The following UBE2E2 variants were observed in gnomAD, a reference collection of about 807,000 sequenced individuals.
UBE2E2 encodes the protein ubiquitin conjugating enzyme E2 E2, also known as ubiquitin-conjugating enzyme E2 E2.
Under a neutral mutation model 24.7 loss-of-function variants are expected in UBE2E2, and 6 were observed. The ratio of observed to expected loss-of-function variants is 0.24; its 90% CI spans 0.13 to 0.48. The LOEUF is 0.48. UBE2E2 is among the 20% of genes least tolerant of loss of function. The pLI, the probability that UBE2E2 is intolerant of heterozygous loss-of-function variation, is 0.99. For missense variants in UBE2E2, 169 were observed against 245.0 expected, an observed-to-expected ratio of 0.69 and a Z score of 2.07; for synonymous variants, 104 against 83.6, an observed-to-expected ratio of 1.24 and a Z score of -1.33.
chr3:23,345,187 C>A (rs1309560108), intron 3 of UBE2E2, among the ~76,000 whole-genome samples: 1 of 152,138 alleles, frequency 6.6e-6, no homozygotes, highest in East Asian at 1.9e-4. Flanking sequence ...TGCAACTGAT[C>A]TTTATAAGCT....
At chr3:23,350,532 A>C (rs1695712790) in intron 3 of UBE2E2, among the ~76,000 whole-genome samples, 1 of 152,216 alleles carries the variant, frequency 6.6e-6, no homozygotes. Context: ...AATACAGAGA[A>C]GTGCTTAAAG....
intron 4 of UBE2E2, among the ~76,000 whole-genome samples, chr3:23,503,278 C>T (rs1694325756): frequency 6.6e-6 from 1 of 151,834 alleles, no homozygotes; most frequent in Non-Finnish European, 1.5e-5. Flanking sequence ...CAACCTCCGC[C>T]CCCTGGATTC....
chr3:23,501,071 T>C (rs1429795175), intron 4 of UBE2E2, among the ~76,000 whole-genome samples: 1 of 152,144 alleles, frequency 6.6e-6, no homozygotes, highest in Non-Finnish European at 1.5e-5. Context: ...CCTTTTCTAC[T>C]TTAGACCAGC....
At chr3:23,315,354 C>G (rs1368918319) in intron 3 of UBE2E2, among the ~76,000 whole-genome samples, 2 of 150,630 alleles carry the variant, frequency 1.3e-5, no homozygotes, top group African/African-American at 2.4e-5. Context: ...TTTCAAATAG[C>G]CTGTCTTCAA....
chr3:23,278,942 GT>G (rs5847228), intron 3 of UBE2E2, among the ~76,000 whole-genome samples: 51,900 of 151,540 alleles, frequency 0.34, 9,122 homozygotes, highest in South Asian at 0.4. Flanking sequence ...TCATTTTCCA[GT>G]TTTTTTTAAT....
At chr3:23,386,912 C>T (rs1392355894) in intron 3 of UBE2E2, among the ~76,000 whole-genome samples, 1 of 152,204 alleles carries the variant, frequency 6.6e-6, no homozygotes. Flanking sequence ...TCAGAAAATA[C>T]AATTCCTGTT....
chr3:23,212,297 A>T (rs1696348988), intron 2 of UBE2E2, among the ~76,000 whole-genome samples: 2 of 152,188 alleles, frequency 1.3e-5, no homozygotes, highest in Non-Finnish European at 2.9e-5. Context: ...AGAGTTTCTT[A>T]AAAAATTGTC....
intron 3 of UBE2E2, among the ~76,000 whole-genome samples, chr3:23,330,421 G>A (rs944475403): frequency 3.9e-5 from 6 of 152,162 alleles, no homozygotes; most frequent in Non-Finnish European, 7.3e-5. Flanking sequence ...TACGTTGCTG[G>A]CAGAATACAT....
Position 23,351,260 on chromosome 3 carries a change from C to T in UBE2E2, c.227+133948C>T, listed in dbSNP as rs368507507. On this transcript the variant is annotated intron_variant, in intron 3 of 5. Coordinates refer to ENST00000396703, the MANE Select transcript of UBE2E2 (RefSeq NM_152653.4). ...AGCACTAAACATGGAAAGGAACAAC[C>T]GGTACCAGCCACTGCAAAATCATGC... 1.3e-3 allele frequency among the ~76,000 whole-genome samples: 200 copies of T among 152,236 alleles called. 1 individual carries two copies. Among genetic ancestry groups the T allele is most frequent in the Middle Eastern group, 3.4e-3 (1 of 294 alleles).
At chr3:23,385,482 C>A (rs1696786176) in intron 3 of UBE2E2, among the ~76,000 whole-genome samples, 1 of 152,160 alleles carries the variant, frequency 6.6e-6, no homozygotes, top group African/African-American at 2.4e-5. Context: ...ATATAGCATC[C>A]CGCATGGTTT....
intron 3 of UBE2E2, among the ~76,000 whole-genome samples, chr3:23,308,750 A>G (rs1177988832): frequency 2.6e-5 from 4 of 152,156 alleles, no homozygotes; most frequent in African/African-American, 7.2e-5. Flanking sequence ...ATGCTATTAC[A>G]TAGGTGAAGC....
Position 23,209,022 on chromosome 3 carries a change from A to G in UBE2E2, c.176+147A>G, listed in dbSNP as rs1254146306. 7 of 932,128 alleles carry G rather than the reference A, an allele frequency of 7.5e-6. No homozygotes were observed. In the South Asian group the frequency reaches 1.3e-4, roughly 18 times the overall value. The allele number at this position is 932,128 out of a possible 1,614,324, so 57.7% of individuals were successfully genotyped here. On this transcript the variant is annotated intron_variant, in intron 2 of 5. Transcript: ENST00000396703. ...TTCCCTTCAAGATGATCTCGTTTAC[A>G]TGGTTTTAACCATAGGGAACTTCAG...
rs531287318 is a variant in UBE2E2, at chr3:23,352,326, A to G, written c.227+135014A>G. Among the ~76,000 whole-genome samples, 84 of 152,298 alleles carry G rather than the reference A, an allele frequency of 5.5e-4. 1 individual carries two copies. In the East Asian group the frequency reaches 0.015, roughly 28 times the overall value. On this transcript the variant is annotated intron_variant, in intron 3 of 5. Transcript: ENST00000396703. ...CCCTAACATCACAATTAAAAGAGCT[A>G]GAAAAACAAGAGCAAACACATTCAA...
chr3:23,408,712 C>T (rs1465110522), intron 3 of UBE2E2, among the ~76,000 whole-genome samples: 2 of 152,152 alleles, frequency 1.3e-5, no homozygotes, highest in East Asian at 1.9e-4. Context: ...CCCTCATAGG[C>T]TATCCATAAG....
At chr3:23,582,112 G>C (rs528785169) in intron 5 of UBE2E2, among the ~76,000 whole-genome samples, 17 of 152,064 alleles carry the variant, frequency 1.1e-4, no homozygotes, top group Non-Finnish European at 2.2e-4. Context: ...GTGTCCATGG[G>C]TACTGAATGT....
intron 3 of UBE2E2, among the ~76,000 whole-genome samples, chr3:23,445,646 A>T (rs1698411294): frequency 6.6e-6 from 1 of 152,206 alleles, no homozygotes; most frequent in Non-Finnish European, 1.5e-5. Flanking sequence ...ATGAAGGAGA[A>T]AGGCGTTAGT....
At chr3:23,424,712 AGG>A (rs1364217910) in intron 3 of UBE2E2, among the ~76,000 whole-genome samples, 1 of 152,182 alleles carries the variant, frequency 6.6e-6, no homozygotes, top group African/African-American at 2.4e-5. Flanking sequence ...GCTGGAGCTA[AGG>A]TACTCTGATA....
chr3:23,208,169 A>G (rs1046954540), intron 1 of UBE2E2, among the ~76,000 whole-genome samples: 2 of 152,046 alleles, frequency 1.3e-5, no homozygotes, highest in Non-Finnish European at 2.9e-5. Context: ...TGAGCTTCCC[A>G]AAACATTGGG....
intron 3 of UBE2E2, among the ~76,000 whole-genome samples, chr3:23,359,330 A>ATAAGAGTTGTACTAGGCCTTCATAAGCAG (rs1696050233): frequency 6.6e-6 from 1 of 152,200 alleles, no homozygotes; most frequent in African/African-American, 2.4e-5. Flanking sequence ...GATCAACAAG[A>ATAAGAGTTGTACTAGGCCTTCATAAGCAG]TAAGAGTTGT....
Sources: allele counts gnomAD v4.1 joint callset (sites outside exome capture counted in the v4.1 genomes callset), GRCh38; gene constraint gnomAD v4.1.1; transcripts MANE v1.5; gene names NCBI Gene and HGNC (gene_info 2026-07-23, HGNC 2026-07-21).